The following GSTO2 variants were observed in gnomAD, a reference collection of about 807,000 sequenced individuals.
GSTO2 encodes glutathione S-transferase omega 2.
In GSTO2, 23 loss-of-function variants were observed where a neutral mutation model predicts 28.4. The observed-to-expected ratio is 0.81, with a 90% CI of 0.58 to 1.15. GSTO2 has a LOEUF of 1.15. GSTO2 is among the 50% of genes most tolerant of loss of function. The pLI, the probability that GSTO2 is intolerant of heterozygous loss-of-function variation, is 0.00. For missense variants in GSTO2, 298 were observed against 297.8 expected (o/e 1.00, Z 0.00); for synonymous variants, 109 against 111.0 (o/e 0.98, Z 0.11).
chr10:104,304,518 C>T lies in GSTO2; in HGVS notation c.*5234C>T, dbSNP rs1303064174. The T allele has an allele frequency of 1.3e-5, 2 of 152,182 alleles. No individual in the cohort carries two copies. Among genetic ancestry groups the T allele is most frequent in the Non-Finnish European group, 2.9e-5 (2 of 68,026 alleles). 9.4% of individuals were successfully genotyped at this position (152,182 alleles called of 1,614,324 possible). A position where few individuals can be genotyped will look rare whatever the true frequency, so the allele number is the denominator to read the frequency against. On this transcript the variant is annotated 3_prime_UTR_variant, in exon 7 of 7. Coordinates refer to ENST00000338595, the MANE Select transcript of GSTO2 (RefSeq NM_183239.2). ...AACTTTCTTGAGTAAGTTGCTACAC[C>T]TCTATTAGCCTCAGTTTCTTATCTG...
intron 5 of GSTO2, among the ~76,000 whole-genome samples, chr10:104,289,139 C>A (rs892372164): frequency 1.3e-5 from 2 of 152,134 alleles, no homozygotes; most frequent in Non-Finnish European, 2.9e-5. Context: ...CACTCTGTCA[C>A]TCAGGCTGGA....
intron 4 of GSTO2, 135 bp downstream of exon 4, chr10:104,278,251 A>G: frequency 1.5e-6 from 1 of 684,072 alleles, no homozygotes. Flanking sequence ...GAGATTAGCT[A>G]GCATGGAATT....
rs2013226020 is a variant in GSTO2 at position 104,300,506 on chromosome 10, A to C, written c.*1222A>C. On this transcript the variant is annotated 3_prime_UTR_variant, in exon 7 of 7. Transcript: ENST00000338595. ...TTGGAGCTGCTTGTCTGTTGTAGGG[A>C]TGCTTGTCTCTGATGTGGCCCCTCT... The C allele has an allele frequency of 1.3e-5, 2 of 152,288 alleles. No homozygotes were observed. The highest frequency in any genetic ancestry group is 1.3e-4 in the Admixed American group (2 of 15,278). 9.4% of individuals were successfully genotyped at this position (152,288 alleles called of 1,614,324 possible). A position where few individuals can be genotyped will look rare whatever the true frequency, so the allele number is the denominator to read the frequency against.
At chr10:104,288,747 C>T (rs2012597183) in intron 5 of GSTO2, among the ~76,000 whole-genome samples, 1 of 152,124 alleles carries the variant, frequency 6.6e-6, no homozygotes, top group Admixed American at 6.5e-5. Flanking sequence ...TACTAATTTT[C>T]TTTGTTGATT....
At chr10:104,282,225 C>CAAAAAAAA (rs71022727) in intron 5 of GSTO2, among the ~76,000 whole-genome samples, 3 of 88,958 alleles carry the variant, frequency 3.4e-5, no homozygotes, top group Non-Finnish European at 4.7e-5. Context: ...GACTCTGTTT[C>CAAAAAAAA]AAAAAAAAAA....
At chr10:104,275,124 G>A in intron 2 of GSTO2, 102 bp from the exon 3 acceptor site, 1 of 1,515,862 alleles carries the variant, frequency 6.6e-7, no homozygotes, top group Non-Finnish European at 8.8e-7. Flanking sequence ...GGGAGTTGGA[G>A]CTCCCACAGC....
rs529478628 is a variant in GSTO2, at chr10:104,296,192, T to C, written c.469-1386T>C. On this transcript the variant is annotated intron_variant, in intron 5 of 6. Coordinates refer to ENST00000338595, the MANE Select transcript of GSTO2 (RefSeq NM_183239.2). ...GAGTTTGTTTTCTTTACAGTCCATC[T>C]GATTTACAGTCCCTCCGGGTTGATT... 237 of 152,324 alleles carry C rather than the reference T, an allele frequency of 1.6e-3. 2 individuals are homozygous for C. The highest frequency in any genetic ancestry group is 5.5e-3 in the African/African-American group (229 of 41,560). The allele number at this position is 152,324 out of a possible 1,614,324, so 9.4% of individuals were successfully genotyped here. A position where few individuals can be genotyped will look rare whatever the true frequency, so the allele number is the denominator to read the frequency against.
chr10:104,275,435 C>A, intron 3 of GSTO2, 101 bp downstream of exon 3: 1 of 994,496 alleles, frequency 1.0e-6, no homozygotes, highest in Non-Finnish European at 1.5e-6. Flanking sequence ...TTACAAGGGG[C>A]TCCCTGTCCC....
chr10:104,299,029 A>C, intron 6 of GSTO2, 99 bp from the exon 7 acceptor site: 1 of 1,107,228 alleles, frequency 9.0e-7, no homozygotes, highest in Admixed American at 2.7e-5. Context: ...TTCCCAAATA[A>C]ACTCATTCTT....
chr10:104,280,378 G>C (rs1464338297), intron 5 of GSTO2, among the ~76,000 whole-genome samples: 1 of 152,022 alleles, frequency 6.6e-6, no homozygotes, highest in Non-Finnish European at 1.5e-5. Flanking sequence ...CTGAAAAGGA[G>C]AATATAAAGA....
At chr10:104,272,586 A>ATTT (rs1564841555) in intron 1 of GSTO2, among the ~76,000 whole-genome samples, 3 of 56,900 alleles carry the variant, frequency 5.3e-5, no homozygotes, top group Admixed American at 2.5e-4. Flanking sequence ...CAGTTATGGG[A>ATTT]CTTTTTTTTT....
chr10:104,288,147 C>T (rs2012558299), intron 5 of GSTO2, among the ~76,000 whole-genome samples: 1 of 152,100 alleles, frequency 6.6e-6, no homozygotes, highest in African/African-American at 2.4e-5. Flanking sequence ...GCCTCGGCCT[C>T]CCAAAGTGCT....
rs545575955 is a variant in GSTO2, at chr10:104,274,839, T to G, written c.-77T>G. The G allele has an allele frequency of 1.3e-5, 20 of 1,547,044 alleles. No homozygotes were observed. The highest frequency in any genetic ancestry group is 1.8e-5 in the Non-Finnish European group (20 of 1,136,400). On this transcript the variant is annotated 5_prime_UTR_variant, in exon 2 of 7. Coordinates refer to ENST00000338595, the MANE Select transcript of GSTO2 (RefSeq NM_183239.2). Reference sequence around the variant, plus strand: ...GTGCGCGCCAGAGCGCAGCTGTTTCTGGAGCCTGCGGCAGCGGTGGCGAGC... The same window carrying G: ...GTGCGCGCCAGAGCGCAGCTGTTTCGGGAGCCTGCGGCAGCGGTGGCGAGC...
rs1298783802 is a variant in GSTO2 at position 104,299,490 on chromosome 10, T to A, written c.*206T>A. The A allele has an allele frequency of 7.1e-6, 4 of 561,148 alleles. No individual in the cohort carries two copies. Among genetic ancestry groups the A allele is most frequent in the Non-Finnish European group, 1.2e-5 (4 of 329,796 alleles). The allele number at this position is 561,148 out of a possible 1,614,324, so 34.8% of individuals were successfully genotyped here. A position where few individuals can be genotyped will look rare whatever the true frequency, so the allele number is the denominator to read the frequency against. On this transcript the variant is annotated 3_prime_UTR_variant, in exon 7 of 7. Coordinates refer to ENST00000338595, the MANE Select transcript of GSTO2 (RefSeq NM_183239.2). ...CTACTGCTGCTTTTTTTTCCTTTTT[T>A]TTTTTGAGGCAAGATCTTGCTTCGT... is the stretch of plus-strand genomic sequence containing the variant.
At chr10:104,295,546 G>C in intron 5 of GSTO2, 1 of 152,228 alleles carries the variant, frequency 6.6e-6, no homozygotes, top group East Asian at 1.9e-4. Flanking sequence ...TGGGGCCAGA[G>C]TGTTCTTCAT....
intron 4 of GSTO2, 84 bp downstream of exon 4, chr10:104,278,200 A>G (rs936800089): frequency 2.0e-6 from 2 of 1,020,808 alleles, no homozygotes; most frequent in East Asian, 5.1e-5. Flanking sequence ...AAGCCAAATC[A>G]TTGGTGAAAC....
intron 5 of GSTO2, among the ~76,000 whole-genome samples, chr10:104,293,563 ATTTT>A (rs397787244): frequency 3.2e-4 from 26 of 81,626 alleles, no homozygotes; most frequent in East Asian, 1.1e-3. Flanking sequence ...CGCCTGGCCA[ATTTT>A]TTTTTTTTTT....
intron 3 of GSTO2, among the ~76,000 whole-genome samples, chr10:104,275,849 T>C (rs951445411): frequency 6.6e-6 from 1 of 152,232 alleles, no homozygotes; most frequent in African/African-American, 2.4e-5. Flanking sequence ...TGTCACATAG[T>C]GGATGCTCAA....
In GSTO2 at chr10:104,274,833, T is replaced by G. The variant is rs974617149; in HGVS notation, c.-83T>G. On this transcript the variant is annotated 5_prime_UTR_variant, in exon 2 of 7. Transcript: ENST00000338595. ...CAAGGGGTGCGCGCCAGAGCGCAGCTGTTTCTGGAGCCTGCGGCAGCGGTG... is the reference window on the plus strand; with the variant it reads ...CAAGGGGTGCGCGCCAGAGCGCAGCGGTTTCTGGAGCCTGCGGCAGCGGTG... The G allele has an allele frequency of 6.6e-7, 1 of 1,520,440 alleles. No homozygotes were observed. Among genetic ancestry groups the G allele is most frequent in the African/African-American group, 1.4e-5 (1 of 72,932 alleles). 94.2% of individuals were successfully genotyped at this position (1,520,440 alleles called of 1,614,324 possible).
Sources: allele counts gnomAD v4.1 joint callset (sites outside exome capture counted in the v4.1 genomes callset), GRCh38; gene constraint gnomAD v4.1.1; transcripts MANE v1.5; gene names NCBI Gene and HGNC (gene_info 2026-07-23, HGNC 2026-07-21).